TRPS1: variants seen among roughly 807,000 people sequenced by gnomAD.
TRPS1 encodes zinc finger transcription factor Trps1.
TRPS1 carries 6 observed loss-of-function variants against 101.2 expected under a neutral mutation model. That is an observed-to-expected ratio of 0.06 (90% confidence interval 0.03 to 0.12). The LOEUF (loss-of-function observed/expected upper bound fraction) is 0.12. Among genes scored for constraint, TRPS1 ranks in the 10% least tolerant of loss-of-function variants. TRPS1 has a pLI of 1.00. For synonymous variants in TRPS1, 578 were observed against 589.8 expected (o/e 0.98, Z 0.29); for missense variants, 1,363 against 1,567.0 (o/e 0.87, Z 2.20).
intron 5 of TRPS1, among the ~76,000 whole-genome samples, chr8:115,461,221 T>G (rs868094042): frequency 1.2e-4 from 19 of 152,138 alleles, no homozygotes; most frequent in African/African-American, 4.3e-4. Context: ...TAAGGGTAGA[T>G]AGATGACAGA....
At chr8:115,613,166 A>T (rs1818207530) in intron 3 of TRPS1, among the ~76,000 whole-genome samples, 1 of 152,236 alleles carries the variant, frequency 6.6e-6, no homozygotes, top group Admixed American at 6.5e-5. Flanking sequence ...ATCAAACATT[A>T]CATCCTTAAT....
rs1817586420 is a variant in TRPS1 at position 115,587,342 on chromosome 8, C to G, written c.2359G>C (p.Asp787His). Residue 787 changes from aspartate (D) to histidine (H), a missense_variant, in exon 5 of 7, where the codon GAC (aspartate) becomes CAC (histidine). Around this residue, in one of 5 missense-constraint regions of TRPS1, gnomAD observed 1,020 missense variants for 1,073.0 expected, o/e 0.95. Transcript: ENST00000395715. ...VVKREKLEEK[D>H]GLKEKVWTES... ...GTCCAAACTTTCTCTTTGAGCCCGT[C>G]CTTCTCTTCCAGCTTCTCTCTCTTC... The G allele has an allele frequency of 6.2e-7, 1 of 1,614,216 alleles. No homozygotes were observed. Among genetic ancestry groups the G allele is most frequent in the Non-Finnish European group, 8.5e-7 (1 of 1,180,028 alleles).
At chr8:115,526,289 G>A (rs999329486) in intron 5 of TRPS1, among the ~76,000 whole-genome samples, 5 of 151,970 alleles carry the variant, frequency 3.3e-5, no homozygotes, top group African/African-American at 9.7e-5. Context: ...CAGCGTGGGT[G>A]ACAGAGCAAG....
chr8:115,415,694 G>A (rs1356145364), intron 6 of TRPS1, among the ~76,000 whole-genome samples: 2 of 152,144 alleles, frequency 1.3e-5, no homozygotes, highest in East Asian at 3.9e-4. Context: ...TCTCCACTAT[G>A]TGAGGGCACA....
intron 5 of TRPS1, among the ~76,000 whole-genome samples, chr8:115,547,261 T>A (rs1277430636): frequency 6.6e-6 from 1 of 152,140 alleles, no homozygotes; most frequent in Non-Finnish European, 1.5e-5. Context: ...GAACAAAGAA[T>A]GACTCAATTC....
At chr8:115,607,611 T>A (rs1316781520) in intron 3 of TRPS1, among the ~76,000 whole-genome samples, 4 of 151,908 alleles carry the variant, frequency 2.6e-5, no homozygotes, top group Non-Finnish European at 5.9e-5. Flanking sequence ...TAATGACACT[T>A]CTATAGGTCA....
intron 5 of TRPS1, among the ~76,000 whole-genome samples, chr8:115,436,070 G>T (rs937986636): frequency 1.0e-4 from 15 of 149,914 alleles, no homozygotes; most frequent in Admixed American, 6.0e-4. Flanking sequence ...CATGCAAATA[G>T]GTGGTGAGAC....
chr8:115,614,468 G>GGGT (rs1177511610), intron 3 of TRPS1, among the ~76,000 whole-genome samples: 1 of 152,166 alleles, frequency 6.6e-6, no homozygotes, highest in East Asian at 1.9e-4. Flanking sequence ...TATTCTACTA[G>GGGT]GGTGGCTACA....
intron 1 of TRPS1, among the ~76,000 whole-genome samples, chr8:115,632,586 T>G (rs1056381641): frequency 2.0e-5 from 3 of 152,094 alleles, no homozygotes; most frequent in South Asian, 2.1e-4. Context: ...GAATAGATTT[T>G]TTAAAGTTGT....
chr8:115,558,206 C>T (rs1017165076), intron 5 of TRPS1, among the ~76,000 whole-genome samples: 3 of 152,042 alleles, frequency 2.0e-5, no homozygotes, highest in African/African-American at 7.2e-5. Flanking sequence ...ATAAAGGACA[C>T]ATGATGATAA....
At chr8:115,553,688 T>A (rs959816156) in intron 5 of TRPS1, among the ~76,000 whole-genome samples, 2 of 152,178 alleles carry the variant, frequency 1.3e-5, no homozygotes, top group Non-Finnish European at 2.9e-5. Flanking sequence ...TAATTTTCAA[T>A]AACATTTAGT....
intron 1 of TRPS1, among the ~76,000 whole-genome samples, chr8:115,631,871 AG>A: frequency 6.6e-6 from 1 of 152,272 alleles, no homozygotes; most frequent in East Asian, 1.9e-4. Flanking sequence ...GGCTGAAAAA[AG>A]AATCAGATAT....
intron 5 of TRPS1, among the ~76,000 whole-genome samples, chr8:115,527,381 C>A (rs762223710): frequency 6.6e-6 from 1 of 151,858 alleles, no homozygotes; most frequent in Non-Finnish European, 1.5e-5. Context: ...ACTCCAAATG[C>A]GTGTGAGGCT....
At chr8:115,512,125 T>G (rs1172870484) in intron 5 of TRPS1, among the ~76,000 whole-genome samples, 1 of 151,798 alleles carries the variant, frequency 6.6e-6, no homozygotes, top group East Asian at 1.9e-4. Context: ...TTTCAGGGTT[T>G]TATAAAAGCT....
chr8:115,456,448 T>TA (rs1814027618), intron 5 of TRPS1, among the ~76,000 whole-genome samples: 1 of 152,162 alleles, frequency 6.6e-6, no homozygotes, highest in African/African-American at 2.4e-5. Flanking sequence ...AATTAACATA[T>TA]AAAATATTGC....
intron 5 of TRPS1, among the ~76,000 whole-genome samples, chr8:115,502,885 G>C (rs1163071651): frequency 6.6e-6 from 1 of 152,114 alleles, no homozygotes; most frequent in African/African-American, 2.4e-5. Flanking sequence ...CAAAGACCCA[G>C]AAAGAGTCAA....
chr8:115,449,572 C>G (rs894117273), intron 5 of TRPS1, among the ~76,000 whole-genome samples: 9 of 152,228 alleles, frequency 5.9e-5, no homozygotes, highest in African/African-American at 2.2e-4. Flanking sequence ...TTGATTCTGA[C>G]AGCAGAAAGC....
intron 5 of TRPS1, among the ~76,000 whole-genome samples, chr8:115,582,969 C>T (rs1195197035): frequency 6.6e-6 from 1 of 152,140 alleles, no homozygotes; most frequent in Non-Finnish European, 1.5e-5. Context: ...TGTTGATTTT[C>T]CATGAGCTCC....
rs1812869482 is a variant in TRPS1 at position 115,414,642 on chromosome 8, T to G, written c.3266A>C (p.Lys1089Thr). 1 of 1,613,930 alleles carries G rather than the reference T, an allele frequency of 6.2e-7. No homozygotes were observed. Among genetic ancestry groups the G allele is most frequent in the South Asian group, 1.1e-5 (1 of 91,086 alleles). Reference sequence around the variant, plus strand: ...GCCTGGTGGTGAATAATTTGGGTGTTTCGCAGGTCTCATGTACTTTTCTAT... The same window carrying G: ...GCCTGGTGGTGAATAATTTGGGTGTGTCGCAGGTCTCATGTACTTTTCTAT... ...SPIEKYMRPA[K>T]HPNYSPPGSP... is the part of the protein sequence containing the mutation. The change falls in exon 7 of 7, where the codon AAA becomes ACA. Residue 1089 changes from lysine to threonine, a missense_variant. By Grantham distance (78) the Lys-to-Thr change is moderately conservative. Transcript: ENST00000395715. This position sits in a 1 kb window ranked among gnomAD's most constrained non-coding sequence, Gnocchi z 4.8.
Sources: gnomAD v4.1 joint callset for allele counts (sites outside exome capture counted in the v4.1 genomes callset) on GRCh38, gnomAD v4.1.1 for gene constraint, gnomAD v4.1.1 regional missense constraint, Gnocchi (gnomAD v3.1) non-coding constraint, MANE v1.5 for transcripts, NCBI Gene and HGNC (gene_info 2026-07-23, HGNC 2026-07-21) for gene names.